SYT6: variants seen among roughly 807,000 people sequenced by gnomAD.
SYT6 encodes synaptotagmin 6, also known as synaptotagmin-6.
SYT6 carries 24 observed loss-of-function variants against 38.4 expected under a neutral mutation model. The ratio of observed to expected loss-of-function variants is 0.62; its 90% CI spans 0.45 to 0.88. The LOEUF (loss-of-function observed/expected upper bound fraction) is 0.88. SYT6 is among the 40% of genes least tolerant of loss of function. The probability of loss-of-function intolerance (pLI) is 0.00; values close to 1 mark genes in which losing one functional copy is unlikely to be tolerated. For missense variants in SYT6, 611 were observed against 621.0 expected (o/e 0.98, Z 0.17); for synonymous variants, 265 against 241.9 (o/e 1.10, Z -0.89).
intron 2 of SYT6, 106 bp from the exon 3 acceptor site, chr1:114,138,159 G>T: frequency 8.7e-7 from 1 of 1,145,954 alleles, no homozygotes; most frequent in Non-Finnish European, 1.2e-6. Flanking sequence ...ATCCCTTGTT[G>T]AGCCCCCTTT....
At chr1:114,103,440 G>A (rs1676084302) in intron 4 of SYT6, among the ~76,000 whole-genome samples, 161 bp downstream of exon 4, 1 of 150,528 alleles carries the variant, frequency 6.6e-6, no homozygotes, top group African/African-American at 2.4e-5. Flanking sequence ...CATTTACACA[G>A]CAAAGAAGTG....
At chr1:114,100,925 T>C (rs965634466) in intron 4 of SYT6, among the ~76,000 whole-genome samples, 2 of 152,078 alleles carry the variant, frequency 1.3e-5, no homozygotes, top group African/African-American at 4.8e-5. Context: ...CCTATTTCCA[T>C]ACACTCCCAC....
chr1:114,100,929 C>T (rs1456073669), intron 4 of SYT6, among the ~76,000 whole-genome samples: 1 of 152,212 alleles, frequency 6.6e-6, no homozygotes, highest in African/African-American at 2.4e-5. Context: ...TTTCCATACA[C>T]TCCCACATCA....
At chr1:114,101,668 G>T (rs1449735819) in intron 4 of SYT6, among the ~76,000 whole-genome samples, 1 of 152,170 alleles carries the variant, frequency 6.6e-6, no homozygotes, top group Non-Finnish European at 1.5e-5. Flanking sequence ...ACCTAGCTTA[G>T]TCCAACATCG....
chr1:114,126,115 TG>T (rs1434305929), intron 3 of SYT6, among the ~76,000 whole-genome samples: 1 of 147,476 alleles, frequency 6.8e-6, no homozygotes, highest in Non-Finnish European at 1.5e-5. Flanking sequence ...GGGCATGGGC[TG>T]GGTCTCATGA....
chr1:114,118,212 C>T (rs1244285971), intron 3 of SYT6, among the ~76,000 whole-genome samples: 1 of 152,186 alleles, frequency 6.6e-6, no homozygotes, highest in East Asian at 1.9e-4. Flanking sequence ...CCCTGCTCAC[C>T]CAGGAGCACG....
intron 3 of SYT6, among the ~76,000 whole-genome samples, chr1:114,125,705 T>A (rs1677684665): frequency 6.6e-6 from 1 of 152,196 alleles, no homozygotes. Flanking sequence ...TGACCTATAC[T>A]CTACAGCTCA....
chr1:114,112,410 C>G (rs1676741647), intron 3 of SYT6, among the ~76,000 whole-genome samples: 1 of 152,236 alleles, frequency 6.6e-6, no homozygotes, highest in Non-Finnish European at 1.5e-5. Flanking sequence ...TTCTCAGCCT[C>G]CCCTTCGTGA....
intron 6 of SYT6, among the ~76,000 whole-genome samples, chr1:114,094,944 C>G (rs888918648): frequency 2.0e-5 from 3 of 152,214 alleles, no homozygotes; most frequent in Non-Finnish European, 4.4e-5. Context: ...AATGTCAGCC[C>G]TGTGGGGGTT....
intron 4 of SYT6, among the ~76,000 whole-genome samples, chr1:114,101,020 C>T (rs560246631): frequency 1.3e-5 from 2 of 152,242 alleles, no homozygotes; most frequent in South Asian, 4.1e-4. Context: ...AATGTCTTAG[C>T]AACCTTCCCC....
chr1:114,111,603 C>A (rs551723258), intron 3 of SYT6, among the ~76,000 whole-genome samples: 3 of 152,230 alleles, frequency 2.0e-5, no homozygotes, highest in Non-Finnish European at 4.4e-5. Context: ...TGTCCTGTCA[C>A]CCCCTCTTGG....
rs201154501 is a variant in SYT6 at position 114,137,853 on chromosome 1, C to A, written c.713G>T (p.Arg238Leu). Residue 238 changes from arginine (R) to leucine (L), a missense_variant, in exon 3 of 8, where the codon CGC (arginine) becomes CTC (leucine). Arg to Leu is a moderately radical substitution (Grantham distance 102). Transcript: ENST00000610222. ...KSCGKINFSL[R>L]YDYETETLIV... ...CAGGGTCTCGGTCTCGTAATCGTAG[C>A]GTAGGCTGAAGTTGATCTTCCCGCA... 1 of 1,613,976 alleles carries A rather than the reference C, an allele frequency of 6.2e-7. No homozygotes were observed. The highest frequency in any genetic ancestry group is 1.7e-5 in the Admixed American group (1 of 60,016).
intron 3 of SYT6, among the ~76,000 whole-genome samples, chr1:114,122,960 C>T (rs937376685): frequency 2.6e-5 from 4 of 152,354 alleles, no homozygotes; most frequent in Admixed American, 2.0e-4. Flanking sequence ...CACAGCTTGT[C>T]AGCATTAGAA....
chr1:114,097,819 C>G lies in SYT6; in HGVS notation c.1423G>C (p.Gly475Arg). 1 of 1,614,120 alleles carries G rather than the reference C, an allele frequency of 6.2e-7. No individual in the cohort carries two copies. Among genetic ancestry groups the G allele is most frequent in the Non-Finnish European group, 8.5e-7 (1 of 1,180,028 alleles). ...AGCATCTCGTTCCAGTGGTCCCTGC[C>G]CAGGCCTTCAGCAGTGATCCCCACA... ...CRVGITAEGL[G>R]RDHWNEMLAY... The change falls in exon 6 of 8, where the codon GGC (glycine) becomes CGC (arginine). Residue 475 changes from glycine to arginine, a missense_variant. Coordinates refer to ENST00000610222, the MANE Select transcript of SYT6 (RefSeq NM_001253772.2).
chr1:114,150,384 T>C (rs566389622), intron 1 of SYT6, among the ~76,000 whole-genome samples: 34 of 152,280 alleles, frequency 2.2e-4, no homozygotes, highest in Non-Finnish European at 3.8e-4. Flanking sequence ...CAGAATATCA[T>C]CTCCTTGGGT....
chr1:114,113,692 C>T (rs1676822333), intron 3 of SYT6, among the ~76,000 whole-genome samples: 1 of 152,186 alleles, frequency 6.6e-6, no homozygotes, highest in Non-Finnish European at 1.5e-5. Context: ...CCACCTCTCT[C>T]CATCTCCAGT....
Position 114,139,779 on chromosome 1 carries a change from C to T in SYT6, c.348G>A (p.Ala116=), listed in dbSNP as rs139973136. ...GGGTGCTGGGGTCCTTCAGCTTGTCCGCCATGTTGCCTCTGAAGCTGGGGC... is the reference window on the plus strand; with the variant it reads ...GGGTGCTGGGGTCCTTCAGCTTGTCTGCCATGTTGCCTCTGAAGCTGGGGC... ...LQSPSFRGNM[A]DKLKDPSTLG... is the part of the protein sequence containing the mutation. The change falls in exon 2 of 8, where the codon GCG becomes GCA. Residue 116 remains alanine, a synonymous_variant. Transcript: ENST00000610222. The T allele has an allele frequency of 2.6e-5, 42 of 1,612,362 alleles. No homozygotes were observed. Among genetic ancestry groups the T allele is most frequent in the East Asian group, 4.5e-5 (2 of 44,866 alleles).
intron 2 of SYT6, 38 bp from the exon 3 acceptor site, chr1:114,138,091 A>AG: frequency 6.3e-7 from 1 of 1,579,240 alleles, no homozygotes. Flanking sequence ...GAGTGTGGTC[A>AG]GGGCTCAGGG....
intron 3 of SYT6, among the ~76,000 whole-genome samples, chr1:114,133,605 G>T (rs1317876012): frequency 2.0e-5 from 3 of 152,222 alleles, no homozygotes; most frequent in Non-Finnish European, 4.4e-5. Context: ...GGCAGAAGGA[G>T]AGATGGGGGA....
Sources: allele counts gnomAD v4.1 joint callset (sites outside exome capture counted in the v4.1 genomes callset), GRCh38; gene constraint gnomAD v4.1.1; transcripts MANE v1.5; gene names NCBI Gene and HGNC (gene_info 2026-07-23, HGNC 2026-07-21).